The following GSDME variants were observed in gnomAD, a reference collection of about 807,000 sequenced individuals.
GSDME encodes gasdermin-E.
In GSDME, 44 loss-of-function variants were observed where a neutral mutation model predicts 47.5. The ratio of observed to expected loss-of-function variants is 0.93; its 90% CI spans 0.73 to 1.19. GSDME has a LOEUF of 1.19. GSDME is among the 50% of genes most tolerant of loss of function. The pLI is 0.00. For missense variants in GSDME, 663 were observed against 604.2 expected (o/e 1.10, Z -1.02); for synonymous variants, 258 against 252.8 (o/e 1.02, Z -0.20).
In GSDME at chr7:24,745,537, C is replaced by G. The variant is rs1790641915; in HGVS notation, c.212-783G>C. Among the ~76,000 whole-genome samples, 1 of 152,204 alleles carries G rather than the reference C, an allele frequency of 6.6e-6. No homozygotes were observed. Among genetic ancestry groups the G allele is most frequent in the African/African-American group, 2.4e-5 (1 of 41,458 alleles). ...CTTTTTAAAATGATAAATGTCTGAT[C>G]TCATATCTGAACTGTCAGCCTTCTC... On this transcript the variant is annotated intron_variant, in intron 2 of 9. Transcript: ENST00000645220. This position sits in a 1 kb window ranked among gnomAD's most constrained non-coding sequence, Gnocchi z 4.4.
intron 6 of GSDME, among the ~76,000 whole-genome samples, chr7:24,708,894 G>GT (rs1291407537): frequency 1.3e-5 from 2 of 151,916 alleles, no homozygotes; most frequent in Admixed American, 1.3e-4. Flanking sequence ...TCCTTTCTTT[G>GT]TTTTTTGGTT....
At position 24,732,225 on chromosome 7, in the gene GSDME, G is replaced by A. The variant is rs1790169120; in HGVS notation, c.404+12337C>T. 6.6e-6 allele frequency among the ~76,000 whole-genome samples: 1 copy of A among 152,200 alleles called. No individual in the cohort carries two copies. On this transcript the variant is annotated intron_variant, in intron 3 of 9. Transcript: ENST00000645220. The surrounding 1 kb of genome is among the most constrained non-coding windows in gnomAD (Gnocchi z 4.8). Reference sequence around the variant, plus strand: ...CTGAGTAAAGCACAAAGACAAATGGGATGATTTTCAAACCCTCTGGTAGCC... The same window carrying A: ...CTGAGTAAAGCACAAAGACAAATGGAATGATTTTCAAACCCTCTGGTAGCC...
At chr7:24,760,018 A>G (rs949972588), upstream of GSDME, among the ~76,000 whole-genome samples, 1 of 152,252 alleles carries the variant, frequency 6.6e-6, no homozygotes, top group Non-Finnish European at 1.5e-5. This position sits in a 1 kb window ranked among gnomAD's most constrained non-coding sequence, Gnocchi z 4.2. Flanking sequence ...CTTATTCCAT[A>G]TAGATATATC....
intron 3 of GSDME, among the ~76,000 whole-genome samples, chr7:24,729,116 A>C (rs1790060757): frequency 6.6e-6 from 1 of 152,224 alleles, no homozygotes; most frequent in African/African-American, 2.4e-5. Context: ...TCAGCCCTTT[A>C]GACGAGTAAT....
At chr7:24,701,325 G>C (rs1447816184) in intron 9 of GSDME, among the ~76,000 whole-genome samples, 1 of 152,248 alleles carries the variant, frequency 6.6e-6, no homozygotes, top group East Asian at 1.9e-4. Flanking sequence ...ATGTGCAGAA[G>C]CAGAATACCT....
At chr7:24,774,773 C>T in the GSDME span, among the ~76,000 whole-genome samples, 1 of 152,068 alleles carries the variant, frequency 6.6e-6, no homozygotes, top group Non-Finnish European at 1.5e-5. Flanking sequence ...CCTCATGATT[C>T]GCCCAACTCG....
intron 5 of GSDME, 200 bp from the exon 6 acceptor site, chr7:24,710,588 T>C: frequency 3.4e-6 from 2 of 591,454 alleles, no homozygotes; most frequent in Non-Finnish European, 6.0e-6. Context: ...TTCCAACAAA[T>C]AAGGAAATGG....
chr7:24,741,257 C>T (rs999472157), intron 3 of GSDME, among the ~76,000 whole-genome samples: 20 of 151,806 alleles, frequency 1.3e-4, no homozygotes, highest in Non-Finnish European at 2.4e-4. Context: ...CAGCTGACCA[C>T]GGAAGACAAG....
At chr7:24,708,652 C>G (rs1179594572) in intron 6 of GSDME, among the ~76,000 whole-genome samples, 2 of 152,210 alleles carry the variant, frequency 1.3e-5, no homozygotes. Flanking sequence ...TAGAGCCATA[C>G]AAATTCCAAA....
chr7:24,766,337 G>T, the GSDME span, among the ~76,000 whole-genome samples: 3 of 151,116 alleles, frequency 2.0e-5, no homozygotes, highest in Non-Finnish European at 4.4e-5. This position sits in a 1 kb window ranked among gnomAD's most constrained non-coding sequence, Gnocchi z 4.2. Context: ...TAAGTTCTGG[G>T]GTACATGTGC....
the GSDME span, among the ~76,000 whole-genome samples, chr7:24,776,343 C>T: frequency 1.3e-5 from 2 of 152,134 alleles, no homozygotes; most frequent in Non-Finnish European, 2.9e-5. Flanking sequence ...TGTCTGTCAC[C>T]AGGAGCCAGT....
At chr7:24,720,973 A>C (rs1203874189) in intron 3 of GSDME, among the ~76,000 whole-genome samples, 3 of 152,164 alleles carry the variant, frequency 2.0e-5, no homozygotes, top group Non-Finnish European at 2.9e-5. Context: ...TGAAGACATT[A>C]TGCCAAGTAA....
chr7:24,717,255 G>A lies in GSDME; in HGVS notation c.696C>T (p.Phe232=), dbSNP rs202055600. Residue 232 remains phenylalanine (F), a splice_region_variant and synonymous_variant, in exon 5 of 10, where the codon TTC becomes TTT. Coordinates refer to ENST00000645220, the MANE Select transcript of GSDME (RefSeq NM_001127453.2). ...IELYVKLDGQ[F]EFCLLRGKQG... Reference sequence around the variant, plus strand: ...GCACCCATAGGAGGTGGCACTCACCGAACTGGCCGTCCAGTTTCACGTATA... The same window carrying A: ...GCACCCATAGGAGGTGGCACTCACCAAACTGGCCGTCCAGTTTCACGTATA... 3.9e-6 allele frequency: 6 copies of A among 1,553,838 alleles called. No individual in the cohort carries two copies. The Admixed American group carries it at 5.5e-5, about 14-fold the overall frequency.
chr7:24,786,196 C>G, the GSDME span, among the ~76,000 whole-genome samples: 1 of 152,188 alleles, frequency 6.6e-6, no homozygotes, highest in African/African-American at 2.4e-5. This position sits in a 1 kb window ranked among gnomAD's most constrained non-coding sequence, Gnocchi z 5.5. Flanking sequence ...AAAGTCTACC[C>G]ACTAACTAGA....
chr7:24,759,267 TA>T (rs1791127699), upstream of GSDME, among the ~76,000 whole-genome samples: 1 of 152,200 alleles, frequency 6.6e-6, no homozygotes, highest in East Asian at 1.9e-4. Flanking sequence ...AATATCCTCA[TA>T]AACAGCATAC....
At chr7:24,707,636 G>A in intron 7 of GSDME, 1 of 354,816 alleles carries the variant, frequency 2.8e-6, no homozygotes, top group Non-Finnish European at 5.5e-6. Flanking sequence ...ATTGGGGTGG[G>A]CCCTAAATCC....
At chr7:24,707,968 C>G (rs1415261757) in intron 7 of GSDME, 159 bp downstream of exon 7, 2 of 826,146 alleles carry the variant, frequency 2.4e-6, no homozygotes, top group Non-Finnish European at 3.7e-6. Context: ...TGCCAGCTAC[C>G]TGTCTGCACT....
intron 6 of GSDME, 128 bp from the exon 7 acceptor site, chr7:24,708,382 G>A (rs1035470200): frequency 7.1e-6 from 8 of 1,131,840 alleles, no homozygotes; most frequent in African/African-American, 1.6e-5. Flanking sequence ...TGCATAGTCA[G>A]TCATGGAACT....
chr7:24,744,511 CT>C lies in GSDME; in HGVS notation c.404+50del. The C allele has an allele frequency of 1.3e-6, 2 of 1,596,764 alleles. No individual in the cohort carries two copies. Among genetic ancestry groups the C allele is most frequent in the Non-Finnish European group, 1.7e-6 (2 of 1,164,972 alleles). On this transcript the variant is annotated intron_variant, in intron 3 of 9. Coordinates refer to ENST00000645220, the MANE Select transcript of GSDME (RefSeq NM_001127453.2). The surrounding 1 kb of genome is among the most constrained non-coding windows in gnomAD (Gnocchi z 4.5). Reference sequence around the variant, plus strand: ...TTTAACAAAGGTCCAACTGAATGACCTTTAAATGTGAGATGTGTCAAAATCC... The same window carrying C: ...TTTAACAAAGGTCCAACTGAATGACCTTAAATGTGAGATGTGTCAAAATCC...
Sources: gnomAD v4.1 joint callset for allele counts (sites outside exome capture counted in the v4.1 genomes callset) on GRCh38, gnomAD v4.1.1 for gene constraint, Gnocchi (gnomAD v3.1) non-coding constraint, MANE v1.5 for transcripts, NCBI Gene and HGNC (gene_info 2026-07-23, HGNC 2026-07-21) for gene names.